The following EXOC4 variants were observed in gnomAD, a reference collection of about 807,000 sequenced individuals.
EXOC4 encodes the protein SEC8-like 1.
In EXOC4, 71 loss-of-function variants were observed where a neutral mutation model predicts 107.2. The observed-to-expected ratio is 0.66, with a 90% confidence interval of 0.55 to 0.81. EXOC4 has a LOEUF of 0.81. Ranked by LOEUF, EXOC4 falls within the 30% of genes least tolerant of loss-of-function variation. The pLI, the probability that EXOC4 is intolerant of heterozygous loss-of-function variation, is 0.00. For missense variants in EXOC4, 1,108 were observed against 1,189.6 expected, an observed-to-expected ratio of 0.93 and a Z score of 1.01; for synonymous variants, 456 against 441.2, an observed-to-expected ratio of 1.03 and a Z score of -0.42.
intron 9 of EXOC4, among the ~76,000 whole-genome samples, chr7:133,579,260 T>C (rs1012787389): frequency 6.6e-6 from 1 of 152,178 alleles, no homozygotes; most frequent in Admixed American, 6.5e-5. Context: ...GTATAATATA[T>C]TGGCATTTTG....
the EXOC4 span, among the ~76,000 whole-genome samples, chr7:134,093,027 T>C: frequency 1.3e-4 from 19 of 149,536 alleles, no homozygotes; most frequent in Non-Finnish European, 2.4e-4. Context: ...AAAAACACAA[T>C]AGAAATTACA....
At chr7:133,443,130 T>G (rs1316969209) in intron 7 of EXOC4, among the ~76,000 whole-genome samples, 2 of 152,176 alleles carry the variant, frequency 1.3e-5, no homozygotes, top group African/African-American at 4.8e-5. Flanking sequence ...GGGGTGGTGT[T>G]ATAGCTGCTT....
At chr7:133,927,545 G>A (rs751194210) in intron 13 of EXOC4, among the ~76,000 whole-genome samples, 99 of 152,100 alleles carry the variant, frequency 6.5e-4, no homozygotes, top group African/African-American at 2.1e-3. Flanking sequence ...TGAAAGGGGC[G>A]AAGCAGGAAA....
At chr7:133,268,182 A>G (rs909504187) in intron 1 of EXOC4, among the ~76,000 whole-genome samples, 2 of 152,190 alleles carry the variant, frequency 1.3e-5, no homozygotes, top group African/African-American at 4.8e-5. Flanking sequence ...AGACCCAGAA[A>G]AGTTAAGTCA....
chr7:133,678,236 A>G lies in EXOC4; in HGVS notation c.1514+48095A>G, dbSNP rs139248841. ...GATTGACTGCTTTATTCCACATACT[A>G]CAGTTCTAAAACATGAGGAAATCTT... On this transcript the variant is annotated intron_variant, in intron 10 of 17. Coordinates refer to ENST00000253861, the MANE Select transcript of EXOC4 (RefSeq NM_021807.4). Among the ~76,000 whole-genome samples the G allele has an allele frequency of 5.7e-3, 863 of 152,326 alleles. 7 individuals carry two copies. The highest frequency in any genetic ancestry group is 0.02 in the African/African-American group (820 of 41,574).
intron 13 of EXOC4, 71 bp from the exon 14 acceptor site, chr7:133,937,820 T>TAA (rs1280078997): frequency 3.3e-6 from 5 of 1,494,902 alleles, no homozygotes; most frequent in Non-Finnish European, 3.7e-6. Flanking sequence ...TAGGTGTGCC[T>TAA]AAAACAGTGT....
At chr7:133,906,799 G>A (rs996951724) in intron 12 of EXOC4, among the ~76,000 whole-genome samples, 7 of 152,192 alleles carry the variant, frequency 4.6e-5, no homozygotes, top group Admixed American at 2.0e-4. Context: ...TGCCGCCCCC[G>A]ATCGGGCTAA....
chr7:133,753,007 T>G (rs1430991170), intron 10 of EXOC4, among the ~76,000 whole-genome samples: 2 of 152,214 alleles, frequency 1.3e-5, no homozygotes, highest in Non-Finnish European at 2.9e-5. Flanking sequence ...TTGTCTTCCT[T>G]TCTCTGTTAT....
At chr7:134,022,141 CATT>C (rs2116429282) in intron 17 of EXOC4, among the ~76,000 whole-genome samples, 1 of 152,268 alleles carries the variant, frequency 6.6e-6, no homozygotes, top group East Asian at 1.9e-4. Flanking sequence ...GTAAATCAGT[CATT>C]TGAAGCTTCA....
intron 2 of EXOC4, among the ~76,000 whole-genome samples, chr7:133,277,165 G>C (rs936390185): frequency 5.9e-5 from 9 of 152,180 alleles, no homozygotes; most frequent in Non-Finnish European, 1.0e-4. Flanking sequence ...ATAATTCTTT[G>C]CCTTTACAAG....
At chr7:133,711,121 A>G (rs1158081006) in intron 10 of EXOC4, among the ~76,000 whole-genome samples, 1 of 152,264 alleles carries the variant, frequency 6.6e-6, no homozygotes, top group Non-Finnish European at 1.5e-5. Flanking sequence ...GTGCACAACC[A>G]GGAAAATAAT....
chr7:133,678,883 G>A (rs1479925513), intron 10 of EXOC4, among the ~76,000 whole-genome samples: 1 of 152,072 alleles, frequency 6.6e-6, no homozygotes, highest in Non-Finnish European at 1.5e-5. Flanking sequence ...ACCTCCCAAA[G>A]TGCTGGAATT....
At chr7:133,546,673 G>A (rs916128953) in intron 9 of EXOC4, among the ~76,000 whole-genome samples, 2 of 151,938 alleles carry the variant, frequency 1.3e-5, no homozygotes, top group African/African-American at 2.4e-5. Context: ...CTTTGCAGCC[G>A]GTCCATTTCC....
At chr7:133,944,856 A>C (rs1341710791) in intron 14 of EXOC4, among the ~76,000 whole-genome samples, 1 of 152,228 alleles carries the variant, frequency 6.6e-6, no homozygotes, top group Non-Finnish European at 1.5e-5. Context: ...TGTGCTAAAC[A>C]TCCCTTAATA....
intron 11 of EXOC4, among the ~76,000 whole-genome samples, chr7:133,855,437 A>G (rs980398914): frequency 2.7e-4 from 41 of 152,040 alleles, no homozygotes; most frequent in Non-Finnish European, 4.1e-4. Context: ...TCCATTTATC[A>G]GGCAGGGAGA....
chr7:133,851,516 C>T (rs1265933693), intron 11 of EXOC4, among the ~76,000 whole-genome samples: 1 of 152,134 alleles, frequency 6.6e-6, no homozygotes, highest in Non-Finnish European at 1.5e-5. Context: ...ATGGGGAAAG[C>T]ATCTCAGAAG....
At chr7:133,641,713 T>C (rs1253281719) in intron 10 of EXOC4, among the ~76,000 whole-genome samples, 1 of 152,220 alleles carries the variant, frequency 6.6e-6, no homozygotes, top group Non-Finnish European at 1.5e-5. Flanking sequence ...CTATTTAGTT[T>C]TGCTTTTTGC....
At chr7:133,912,572 T>G (rs1449639124) in intron 12 of EXOC4, among the ~76,000 whole-genome samples, 1 of 152,240 alleles carries the variant, frequency 6.6e-6, no homozygotes, top group East Asian at 1.9e-4. Flanking sequence ...ACCATTAAGA[T>G]GCTTTTAGTG....
intron 10 of EXOC4, among the ~76,000 whole-genome samples, chr7:133,796,181 G>C (rs1271119962): frequency 6.6e-6 from 1 of 152,156 alleles, no homozygotes; most frequent in Admixed American, 6.5e-5. Context: ...ACTTCTTTTA[G>C]TCAGTGTGGT....
Sources: allele counts gnomAD v4.1 joint callset (sites outside exome capture counted in the v4.1 genomes callset), GRCh38; gene constraint gnomAD v4.1.1; transcripts MANE v1.5; gene names NCBI Gene and HGNC (gene_info 2026-07-23, HGNC 2026-07-21).